The following ASPRV1 variants were observed in gnomAD, a reference collection of about 807,000 sequenced individuals.
ASPRV1 encodes retroviral-like aspartic protease 1.
ASPRV1 carries 7 observed loss-of-function variants against 11.0 expected under a neutral mutation model. The observed-to-expected ratio is 0.64, with a 90% CI of 0.36 to 1.20. The LOEUF (loss-of-function observed/expected upper bound fraction) is 1.20, where lower values mean the gene tolerates loss of function less well. Among genes scored for constraint, ASPRV1 ranks in the 50% most tolerant of loss-of-function variants. The pLI, the probability that ASPRV1 is intolerant of heterozygous loss-of-function variation, is 0.02. For synonymous variants in ASPRV1, 136 were observed against 138.4 expected (o/e 0.98, Z 0.12); for missense variants, 299 against 320.0 (o/e 0.93, Z 0.50).
At chr2:70,066,123 C>T in the ASPRV1 span, among the ~76,000 whole-genome samples, 390 of 152,020 alleles carry the variant, frequency 2.6e-3, no homozygotes, top group Non-Finnish European at 3.0e-3. Context: ...GCAGGACAAT[C>T]GCTTGAAACT....
the ASPRV1 span, among the ~76,000 whole-genome samples, chr2:70,065,724 C>T: frequency 1.4e-5 from 2 of 144,580 alleles, no homozygotes; most frequent in South Asian, 4.4e-4. Context: ...ACTGGGGAGG[C>T]TGAGGCAGGA....
chr2:70,011,245 A>C, the ASPRV1 span, among the ~76,000 whole-genome samples: 1 of 152,104 alleles, frequency 6.6e-6, no homozygotes, highest in East Asian at 1.9e-4. Context: ...ACAAACTTGC[A>C]CATGTACCCC....
At chr2:70,031,437 C>G in the ASPRV1 span, 1 of 152,174 alleles carries the variant, frequency 6.6e-6, no homozygotes, top group African/African-American at 2.4e-5. Flanking sequence ...GTGGCTCACA[C>G]CTGTAATCCC....
the ASPRV1 span, chr2:69,940,654 TTGTC>T: frequency 2.0e-5 from 3 of 152,664 alleles, no homozygotes; most frequent in African/African-American, 2.4e-5. Flanking sequence ...TTTGCACTGT[TTGTC>T]TGGTCCTTTT....
the ASPRV1 span, among the ~76,000 whole-genome samples, chr2:69,952,237 A>T: frequency 6.6e-6 from 1 of 152,224 alleles, no homozygotes. Flanking sequence ...AGAATTAGAA[A>T]GAAATTGCCT....
chr2:70,014,521 C>A, the ASPRV1 span: 5 of 152,196 alleles, frequency 3.3e-5, no homozygotes, highest in East Asian at 9.6e-4. Flanking sequence ...GAAAAGGCAG[C>A]CGGGTGCAGT....
chr2:70,059,420 C>G, the ASPRV1 span, among the ~76,000 whole-genome samples: 1 of 151,886 alleles, frequency 6.6e-6, no homozygotes, highest in African/African-American at 2.4e-5. Flanking sequence ...TTAGATACAT[C>G]AGGGTTCAAG....
At chr2:69,999,694 AG>A in the ASPRV1 span, among the ~76,000 whole-genome samples, 2 of 148,284 alleles carry the variant, frequency 1.3e-5, no homozygotes, top group African/African-American at 5.0e-5. Flanking sequence ...AAACCAGCCC[AG>A]TCCTAGTGAT....
chr2:70,086,498 G>GGCGGGCCCCGTC, the ASPRV1 span: 1 of 151,834 alleles, frequency 6.6e-6, no homozygotes, highest in Non-Finnish European at 1.5e-5. Context: ...CTTCCAAGAT[G>GGCGGGCCCCGTC]GCGGGCCCTG....
the ASPRV1 span, among the ~76,000 whole-genome samples, chr2:70,021,926 G>C: frequency 1.4e-5 from 2 of 145,684 alleles, no homozygotes; most frequent in African/African-American, 5.1e-5. Context: ...AGATGGTCTC[G>C]ATCTCTTGAC....
upstream of ASPRV1, chr2:69,961,752 T>A: frequency 6.8e-7 from 1 of 1,480,642 alleles, no homozygotes; most frequent in Non-Finnish European, 9.1e-7. Flanking sequence ...CCGGCCGGAC[T>A]AGCAGGATGG....
the ASPRV1 span, chr2:69,939,972 A>G: frequency 6.6e-6 from 1 of 152,198 alleles, no homozygotes; most frequent in Non-Finnish European, 1.5e-5. Context: ...AGAAAGCAAG[A>G]TTACTTTTGT....
the ASPRV1 span, among the ~76,000 whole-genome samples, chr2:70,078,879 A>T: frequency 4.1e-4 from 63 of 152,348 alleles, no homozygotes; most frequent in African/African-American, 1.4e-3. Flanking sequence ...GGGGGCAAAG[A>T]GCAAAAGGAG....
At chr2:70,008,339 C>T in the ASPRV1 span, among the ~76,000 whole-genome samples, 1 of 152,152 alleles carries the variant, frequency 6.6e-6, no homozygotes, top group African/African-American at 2.4e-5. Flanking sequence ...GTCTATAACT[C>T]AACTCATTGA....
chr2:70,079,918 A>G, the ASPRV1 span, among the ~76,000 whole-genome samples: 1 of 133,908 alleles, frequency 7.5e-6, no homozygotes, highest in Non-Finnish European at 1.5e-5. Context: ...GACACAACAA[A>G]TATTACACAG....
chr2:69,997,647 G>A, the ASPRV1 span, among the ~76,000 whole-genome samples: 5 of 152,166 alleles, frequency 3.3e-5, no homozygotes, highest in Non-Finnish European at 7.4e-5. Flanking sequence ...GGCAGGGGCC[G>A]CCTGCTGGCT....
At chr2:69,948,786 G>A in the ASPRV1 span, among the ~76,000 whole-genome samples, 2 of 151,990 alleles carry the variant, frequency 1.3e-5, no homozygotes, top group Non-Finnish European at 2.9e-5. Flanking sequence ...CACGCCCCCC[G>A]CCTCCCCTGT....
the ASPRV1 span, among the ~76,000 whole-genome samples, chr2:70,035,878 T>A: frequency 2.6e-5 from 4 of 151,726 alleles, no homozygotes; most frequent in Non-Finnish European, 5.9e-5. Context: ...AAATTTTTTT[T>A]TTTATTTAAC....
At chr2:69,996,855 C>A in the ASPRV1 span, 1 of 392,116 alleles carries the variant, frequency 2.6e-6, no homozygotes, top group Non-Finnish European at 5.1e-6. Flanking sequence ...AAGGGTTAAG[C>A]ACCTCTGTCA....
Sources: gnomAD v4.1 joint callset for allele counts (sites outside exome capture counted in the v4.1 genomes callset) on GRCh38, gnomAD v4.1.1 for gene constraint, MANE v1.5 for transcripts, NCBI Gene and HGNC (gene_info 2026-07-23, HGNC 2026-07-21) for gene names.